The following AKT3 variants were observed in gnomAD, a reference collection of about 807,000 sequenced individuals.
The protein encoded by AKT3 is AKT serine/threonine kinase 3, also known as RAC-gamma serine/threonine-protein kinase.
A neutral mutation model predicts 65.3 loss-of-function variants in AKT3; 15 were observed. The ratio of observed to expected loss-of-function variants is 0.23; its 90% CI spans 0.15 to 0.35. The LOEUF is 0.35. Ranked by LOEUF, AKT3 falls within the 10% of genes least tolerant of loss-of-function variation. The probability of loss-of-function intolerance (pLI) is 1.00; values close to 1 mark genes in which losing one functional copy is unlikely to be tolerated. For missense variants in AKT3, 243 were observed against 576.5 expected, an observed-to-expected ratio of 0.42 and a Z score of 5.92; for synonymous variants, 206 against 183.8, an observed-to-expected ratio of 1.12 and a Z score of -0.98.
chr1:243,613,059 A>T (rs1406129544), intron 8 of AKT3: 3 of 96,816 alleles, frequency 3.1e-5, no homozygotes, highest in South Asian at 3.2e-4. Flanking sequence ...AAAAAAAATT[A>T]TATATATATA....
chr1:243,623,820 C>T (rs1260039329), intron 6 of AKT3, among the ~76,000 whole-genome samples: 1 of 152,148 alleles, frequency 6.6e-6, no homozygotes, highest in Admixed American at 6.5e-5. Context: ...AGCCAATTTC[C>T]CAGTGAATTC....
At position 243,553,044 on chromosome 1, in the gene AKT3, C is replaced by T. The variant is rs1673178789; in HGVS notation, c.949-101G>A. 24 of 945,180 alleles carry T rather than the reference C, an allele frequency of 2.5e-5. No individual in the cohort carries two copies. The East Asian group carries it at 6.5e-4, about 26-fold the overall frequency. The allele number at this position is 945,180 out of a possible 1,614,324, so 58.5% of individuals were successfully genotyped here. On this transcript the variant is annotated intron_variant, in intron 10 of 13. Coordinates refer to ENST00000673466, the MANE Select transcript of AKT3 (RefSeq NM_005465.7). ...TTACATAAAAATGAATCTTAACTTTCAAAGCCTAGGTAGTCTGAGATCTTG... is the reference window on the plus strand; with the variant it reads ...TTACATAAAAATGAATCTTAACTTTTAAAGCCTAGGTAGTCTGAGATCTTG...
At chr1:243,775,872 A>C (rs1690513337) in intron 2 of AKT3, among the ~76,000 whole-genome samples, 1 of 152,232 alleles carries the variant, frequency 6.6e-6, no homozygotes. Flanking sequence ...CGATCTATCA[A>C]TTAAATCAGA....
intron 5 of AKT3, among the ~76,000 whole-genome samples, chr1:243,640,810 G>T (rs1239092155): frequency 9.9e-5 from 15 of 152,124 alleles, no homozygotes. Flanking sequence ...ATATTTACAT[G>T]GCTATTGTTT....
At position 243,659,963 on chromosome 1, in the gene AKT3, A is replaced by C. The variant is rs975256668; in HGVS notation, c.284+4809T>G. Among the ~76,000 whole-genome samples, 5 of 152,132 alleles carry C rather than the reference A, an allele frequency of 3.3e-5. No individual in the cohort carries two copies. In the South Asian group the frequency reaches 6.2e-4, roughly 19 times the overall value. ...TCTCTTTTTTGGTTGTGTCTCTGCC[A>C]GGCTTTGGTATCAGGATGATGCTGG... On this transcript the variant is annotated intron_variant, in intron 4 of 13. Transcript: ENST00000673466.
intron 8 of AKT3, among the ~76,000 whole-genome samples, chr1:243,606,614 T>G (rs1223623283): frequency 6.6e-6 from 1 of 152,054 alleles, no homozygotes; most frequent in South Asian, 2.1e-4. Flanking sequence ...GACAATACAA[T>G]AGAAAAGAAA....
intron 2 of AKT3, among the ~76,000 whole-genome samples, chr1:243,724,583 T>G (rs1416067995): frequency 6.6e-6 from 1 of 152,180 alleles, no homozygotes; most frequent in Non-Finnish European, 1.5e-5. Context: ...TAAATATGAC[T>G]TACCATGGCA....
At chr1:243,660,410 G>A (rs1004316936) in intron 4 of AKT3, among the ~76,000 whole-genome samples, 7 of 151,930 alleles carry the variant, frequency 4.6e-5, no homozygotes, top group African/African-American at 9.7e-5. Context: ...TTCAATATAC[G>A]CAAATCAATA....
At chr1:243,639,246 T>G (rs2147817844) in intron 5 of AKT3, among the ~76,000 whole-genome samples, 1 of 152,310 alleles carries the variant, frequency 6.6e-6, no homozygotes, top group East Asian at 1.9e-4. Flanking sequence ...GTTAAATACC[T>G]TTCATCAAAG....
intron 2 of AKT3, among the ~76,000 whole-genome samples, chr1:243,722,823 C>T (rs1164158665): frequency 6.6e-6 from 1 of 152,054 alleles, no homozygotes; most frequent in African/African-American, 2.4e-5. Flanking sequence ...CCGTAAGAAC[C>T]CTGTCTAGGA....
intron 12 of AKT3, among the ~76,000 whole-genome samples, chr1:243,544,111 C>A (rs1368207255): frequency 1.3e-5 from 2 of 151,796 alleles, no homozygotes; most frequent in African/African-American, 2.4e-5. Context: ...AATGGATGAA[C>A]TAAAAATAAT....
intron 2 of AKT3, among the ~76,000 whole-genome samples, chr1:243,701,702 G>T (rs1363463892): frequency 4.2e-5 from 6 of 143,140 alleles, no homozygotes; most frequent in Admixed American, 4.2e-4. Context: ...ATCAAGAGTT[G>T]CATAACAAAC....
chr1:243,543,681 C>T (rs2148444718), intron 12 of AKT3, among the ~76,000 whole-genome samples: 2 of 152,270 alleles, frequency 1.3e-5, no homozygotes, highest in East Asian at 3.9e-4. Context: ...TCATAAGGAA[C>T]ATCCTCAGTG....
intron 1 of AKT3, among the ~76,000 whole-genome samples, chr1:243,843,809 G>A (rs1372516322): frequency 1.3e-5 from 2 of 150,928 alleles, no homozygotes; most frequent in South Asian, 2.1e-4. Flanking sequence ...GCGCCACCAC[G>A]CCCTGCTAAT....
Position 243,752,151 on chromosome 1 carries a change from T to C in AKT3, c.47-56435A>G, listed in dbSNP as rs116673982. Among the ~76,000 whole-genome samples the C allele has an allele frequency of 2.3e-3, 350 of 152,298 alleles. 1 individual carries two copies. Among genetic ancestry groups the C allele is most frequent in the Non-Finnish European group, 3.6e-3 (243 of 68,014 alleles). On this transcript the variant is annotated intron_variant, in intron 2 of 13. Transcript: ENST00000673466. ...GCTTTTGATACAAAACCAAAAATCA[T>C]TAAATGAGAGAACATTTTTAACTAA...
chr1:243,584,952 A>G (rs1406308952), intron 8 of AKT3, among the ~76,000 whole-genome samples: 1 of 152,128 alleles, frequency 6.6e-6, no homozygotes, highest in Non-Finnish European at 1.5e-5. Flanking sequence ...GGCAAAGAAA[A>G]AGTATAACTA....
intron 2 of AKT3, among the ~76,000 whole-genome samples, chr1:243,742,282 T>C (rs1688209042): frequency 6.6e-6 from 1 of 152,146 alleles, no homozygotes; most frequent in Admixed American, 6.5e-5. Flanking sequence ...GCAAAACTAG[T>C]TAAAATCATT....
At chr1:243,792,543 G>C (rs572083490) in intron 2 of AKT3, among the ~76,000 whole-genome samples, 17 of 152,146 alleles carry the variant, frequency 1.1e-4, no homozygotes, top group Non-Finnish European at 2.2e-4. Context: ...TGATAATTAA[G>C]CTGAGATTAG....
Position 243,568,492 on chromosome 1 carries a change from G to T in AKT3, c.819+4434C>A, listed in dbSNP as rs142111245. Among the ~76,000 whole-genome samples, 1,282 of 151,902 alleles carry T rather than the reference G, an allele frequency of 8.4e-3. 13 individuals carry two copies. Among genetic ancestry groups the T allele is most frequent in the African/African-American group, 0.029 (1,221 of 41,414 alleles). On this transcript the variant is annotated intron_variant, in intron 9 of 13. Coordinates refer to ENST00000673466, the MANE Select transcript of AKT3 (RefSeq NM_005465.7). ...TCATAGAATTTCCACCAAAAAAAAGGGTAACATTTTTTGCCCAGTTGAAGT... is the reference window on the plus strand; with the variant it reads ...TCATAGAATTTCCACCAAAAAAAAGTGTAACATTTTTTGCCCAGTTGAAGT...
Sources: gnomAD v4.1 joint callset for allele counts (sites outside exome capture counted in the v4.1 genomes callset) on GRCh38, gnomAD v4.1.1 for gene constraint, MANE v1.5 for transcripts, NCBI Gene and HGNC (gene_info 2026-07-23, HGNC 2026-07-21) for gene names.